Variants in GALNT14 observed in about 807,000 individuals in gnomAD.
GALNT14 encodes UDP-GalNAc:polypeptide N-acetylgalactosaminyltransferase 14.
In GALNT14, 60 loss-of-function variants were observed where a neutral mutation model predicts 77.5. That is an observed-to-expected ratio of 0.77 (90% CI 0.63 to 0.96). The LOEUF (loss-of-function observed/expected upper bound fraction) is 0.96, where lower values mean the gene tolerates loss of function less well. Among genes scored for constraint, GALNT14 ranks in the 40% least tolerant of loss-of-function variants. The pLI is 0.00. For synonymous variants in GALNT14, 280 were observed against 281.7 expected (o/e 0.99, Z 0.06); for missense variants, 710 against 731.0 (o/e 0.97, Z 0.33).
At chr2:31,046,742 C>T (rs968861749) in intron 1 of GALNT14, among the ~76,000 whole-genome samples, 1 of 152,074 alleles carries the variant, frequency 6.6e-6, no homozygotes, top group African/African-American at 2.4e-5. Context: ...TTATCAGGAA[C>T]CTACAGTATT....
chr2:30,894,285 C>T, the GALNT14 span, among the ~76,000 whole-genome samples: 9 of 152,118 alleles, frequency 5.9e-5, no homozygotes, highest in Non-Finnish European at 1.2e-4. Context: ...AGTAGGTGTC[C>T]ACTAATTATT....
intron 1 of GALNT14, among the ~76,000 whole-genome samples, chr2:31,030,670 A>G (rs562397285): frequency 7.9e-5 from 12 of 152,270 alleles, no homozygotes; most frequent in Admixed American, 6.5e-4. Flanking sequence ...TGGAGCAACA[A>G]TGACTTCTGC....
chr2:31,138,316 G>C lies in GALNT14; in HGVS notation c.-230C>G, dbSNP rs527816331. On this transcript the variant is annotated 5_prime_UTR_variant, in exon 1 of 15. Coordinates refer to ENST00000349752, the MANE Select transcript of GALNT14 (RefSeq NM_024572.4). Reference sequence around the variant, plus strand: ...CGAAACGTGGCAGGGAAGGACCGAGGGCAGCCAAGCTGGACGCCCGCTCCA... The same window carrying C: ...CGAAACGTGGCAGGGAAGGACCGAGCGCAGCCAAGCTGGACGCCCGCTCCA... 32 of 507,768 alleles carry C rather than the reference G, an allele frequency of 6.3e-5. No homozygotes were observed. The highest frequency in any genetic ancestry group is 2.1e-4 in the East Asian group (6 of 28,380). 31.5% of individuals were successfully genotyped at this position (507,768 alleles called of 1,614,324 possible). A position where few individuals can be genotyped will look rare whatever the true frequency, so the allele number is the denominator to read the frequency against.
chr2:31,011,283 T>G (rs1487775691), intron 1 of GALNT14, among the ~76,000 whole-genome samples: 1 of 152,220 alleles, frequency 6.6e-6, no homozygotes, highest in Non-Finnish European at 1.5e-5. Context: ...AGGCATACTT[T>G]TAGCACTCAA....
At chr2:31,079,302 G>T (rs1676010622) in intron 1 of GALNT14, among the ~76,000 whole-genome samples, 1 of 152,156 alleles carries the variant, frequency 6.6e-6, no homozygotes, top group Non-Finnish European at 1.5e-5. Flanking sequence ...ACAGCGTCAG[G>T]ACGTACCCTG....
At chr2:31,103,011 T>C (rs1677358045) in intron 1 of GALNT14, among the ~76,000 whole-genome samples, 1 of 152,158 alleles carries the variant, frequency 6.6e-6, no homozygotes, top group African/African-American at 2.4e-5. Context: ...CCTTCCTGTA[T>C]CACTTTCCTT....
chr2:30,906,857 A>C (rs1339888159), downstream of GALNT14, among the ~76,000 whole-genome samples: 3 of 152,172 alleles, frequency 2.0e-5, no homozygotes, highest in Non-Finnish European at 1.5e-5. Flanking sequence ...ATAACAAACT[A>C]TCTCTCAGAC....
At chr2:30,966,453 C>T in intron 2 of GALNT14, 151 bp from the exon 3 acceptor site, 1 of 595,258 alleles carries the variant, frequency 1.7e-6, no homozygotes, top group South Asian at 2.1e-5. Context: ...GGTAAGACCC[C>T]ACGGCTTCAC....
At chr2:31,008,888 C>T (rs577163185) in intron 1 of GALNT14, among the ~76,000 whole-genome samples, 1 of 152,214 alleles carries the variant, frequency 6.6e-6, no homozygotes, top group African/African-American at 2.4e-5. Context: ...CACGGGTGGC[C>T]GGGGACCATG....
chr2:31,104,431 C>G (rs781394540), intron 1 of GALNT14, among the ~76,000 whole-genome samples: 4 of 152,196 alleles, frequency 2.6e-5, no homozygotes, highest in East Asian at 1.9e-4. Context: ...AGACAAGGAC[C>G]CTTCTCCTAT....
In GALNT14 at chr2:30,917,076, CAAAAAAAAA is replaced by C. The variant is rs529653696; in HGVS notation, c.1381-4743_1381-4735del. 5.5e-4 allele frequency among the ~76,000 whole-genome samples: 11 copies of C among 19,908 alleles called. No individual in the cohort carries two copies. In the South Asian group the frequency reaches 0.013, roughly 24 times the overall value. The allele number at this position is 19,908 out of a possible 152,430, so 13.1% of individuals were successfully genotyped here. ...TGGGCAAAAGAGTAAGACTCCGTCT[CAAAAAAAAA>C]AAAAAAAAAAAAAAAAAAAAGAGGC... is the stretch of plus-strand genomic sequence containing the variant. On this transcript the variant is annotated intron_variant, in intron 13 of 14. Transcript: ENST00000349752.
At chr2:31,017,581 A>C (rs1393433794) in intron 1 of GALNT14, among the ~76,000 whole-genome samples, 1 of 152,178 alleles carries the variant, frequency 6.6e-6, no homozygotes, top group African/African-American at 2.4e-5. Flanking sequence ...GGGGAGAGTC[A>C]GACAGGAGCA....
chr2:31,091,957 G>A (rs1676765524), intron 1 of GALNT14, among the ~76,000 whole-genome samples: 1 of 152,108 alleles, frequency 6.6e-6, no homozygotes, highest in South Asian at 2.1e-4. Flanking sequence ...AATAAACCAG[G>A]CAGAAGAAGG....
intron 2 of GALNT14, among the ~76,000 whole-genome samples, chr2:30,986,167 A>T (rs1669286427): frequency 6.6e-6 from 1 of 152,212 alleles, no homozygotes; most frequent in Admixed American, 6.5e-5. Flanking sequence ...TGTCTGAGCC[A>T]TTTAGCACCG....
At position 31,062,284 on chromosome 2, in the gene GALNT14, A is replaced by C. The variant is rs532474755; in HGVS notation, c.130-69277T>G. Among the ~76,000 whole-genome samples, 5 of 151,720 alleles carry C rather than the reference A, an allele frequency of 3.3e-5. No homozygotes were observed. The East Asian group carries it at 9.7e-4, about 29-fold the overall frequency. ...TGTGTCCACGTGTTCTCATTTTTCA[A>C]CTCCCACTTATGACTGAGAACATGT... On this transcript the variant is annotated intron_variant, in intron 1 of 14. Transcript: ENST00000349752.
intron 1 of GALNT14, among the ~76,000 whole-genome samples, chr2:31,001,836 T>C (rs1248741319): frequency 6.6e-6 from 1 of 151,604 alleles, no homozygotes; most frequent in African/African-American, 2.4e-5. Context: ...CCCAAATGTA[T>C]ACAAATAAAA....
chr2:31,057,346 ATATG>A lies in GALNT14; in HGVS notation c.130-64343_130-64340del, dbSNP rs1202238130. ...TTATATATTATATATACACGTATAT[ATATG>A]TGTGTGTGTGTGTGTGTGTGTGTGT... On this transcript the variant is annotated intron_variant, in intron 1 of 14. Coordinates refer to ENST00000349752, the MANE Select transcript of GALNT14 (RefSeq NM_024572.4). 2.7e-4 allele frequency among the ~76,000 whole-genome samples: 12 copies of A among 44,320 alleles called. No individual in the cohort carries two copies. In the East Asian group the frequency reaches 6.2e-3, roughly 23 times the overall value. The allele number at this position is 44,320 out of a possible 152,430, so 29.1% of individuals were successfully genotyped here.
At chr2:30,949,830 G>A (rs965268396) in intron 6 of GALNT14, among the ~76,000 whole-genome samples, 1 of 152,224 alleles carries the variant, frequency 6.6e-6, no homozygotes, top group African/African-American at 2.4e-5. Flanking sequence ...CAGGTGAGTA[G>A]ATGGTTCTGA....
chr2:30,933,487 T>C (rs956366852), intron 9 of GALNT14, among the ~76,000 whole-genome samples: 3 of 152,170 alleles, frequency 2.0e-5, no homozygotes, highest in Non-Finnish European at 4.4e-5. Context: ...CCTTTACCTG[T>C]CACCTACCTG....
Sources: allele counts gnomAD v4.1 joint callset (sites outside exome capture counted in the v4.1 genomes callset), GRCh38; gene constraint gnomAD v4.1.1; transcripts MANE v1.5; gene names NCBI Gene and HGNC (gene_info 2026-07-23, HGNC 2026-07-21).